CDH4: variants seen among roughly 807,000 people sequenced by gnomAD.
CDH4 encodes the protein cadherin 4.
CDH4 carries 33 observed loss-of-function variants against 86.0 expected under a neutral mutation model. The observed-to-expected ratio is 0.38, with a 90% CI of 0.29 to 0.51. CDH4 has a LOEUF of 0.51. CDH4 is among the 20% of genes least tolerant of loss of function. The probability of loss-of-function intolerance (pLI) is 0.86; values close to 1 mark genes in which losing one functional copy is unlikely to be tolerated. For missense variants in CDH4, 1,114 were observed against 1,307.4 expected (o/e 0.85, Z 2.28); for synonymous variants, 555 against 549.4 (o/e 1.01, Z -0.14).
rs2056964911 is a variant in CDH4, at chr20:61,518,631, T to C, written c.170-224932T>C. 6.6e-6 allele frequency among the ~76,000 whole-genome samples: 1 copy of C among 151,572 alleles called. No individual in the cohort carries two copies. The highest frequency in any genetic ancestry group is 1.5e-5 in the Non-Finnish European group (1 of 67,872). Reference sequence around the variant, plus strand: ...CTCATCCATCCATCCTTCATCCACCTAACCATTTATCCATCCATTCATCCT... The same window carrying C: ...CTCATCCATCCATCCTTCATCCACCCAACCATTTATCCATCCATTCATCCT... On this transcript the variant is annotated intron_variant, in intron 2 of 15. Transcript: ENST00000614565. The surrounding 1 kb of genome is among the most constrained non-coding windows in gnomAD (Gnocchi z 6.3).
chr20:61,932,157 CAA>C (rs976569788), intron 13 of CDH4, among the ~76,000 whole-genome samples: 1 of 152,218 alleles, frequency 6.6e-6, no homozygotes, highest in African/African-American at 2.4e-5. Flanking sequence ...CCTCCTCTGA[CAA>C]AGCCATCTCC....
chr20:61,602,367 G>A (rs2086608173), intron 2 of CDH4, among the ~76,000 whole-genome samples: 1 of 152,146 alleles, frequency 6.6e-6, no homozygotes, highest in Non-Finnish European at 1.5e-5. Flanking sequence ...CTCTGAAAAT[G>A]ACCAGGTCCT....
intron 2 of CDH4, among the ~76,000 whole-genome samples, chr20:61,292,994 G>A (rs908112790): frequency 2.6e-5 from 4 of 152,130 alleles, no homozygotes; most frequent in Non-Finnish European, 5.9e-5. Context: ...CGGGGTCTGC[G>A]GCGACCTGCC....
At chr20:61,774,791 C>G (rs1398320453) in intron 4 of CDH4, among the ~76,000 whole-genome samples, 1 of 152,138 alleles carries the variant, frequency 6.6e-6, no homozygotes, top group East Asian at 1.9e-4. Context: ...TTTTCTGTTC[C>G]CACTTTAGTT....
intron 6 of CDH4, among the ~76,000 whole-genome samples, chr20:61,857,059 G>T (rs765799265): frequency 6.6e-6 from 1 of 152,240 alleles, no homozygotes; most frequent in African/African-American, 2.4e-5. Context: ...TGAGGGGAGC[G>T]TGTCTTTCCC....
chr20:61,625,157 C>T (rs971466465), intron 2 of CDH4, among the ~76,000 whole-genome samples: 2 of 152,042 alleles, frequency 1.3e-5, no homozygotes, highest in South Asian at 2.1e-4. Context: ...CAGGGCGGGA[C>T]GAGAGGGAAG....
intron 2 of CDH4, among the ~76,000 whole-genome samples, chr20:61,491,224 GGA>G (rs2085624142): frequency 6.6e-6 from 1 of 152,222 alleles, no homozygotes; most frequent in Non-Finnish European, 1.5e-5. Flanking sequence ...CTGGTTTTCA[GGA>G]GAGTTTTCTC....
chr20:61,335,600 C>T (rs142273530), intron 2 of CDH4, among the ~76,000 whole-genome samples: 180 of 152,228 alleles, frequency 1.2e-3, no homozygotes, highest in African/African-American at 4.0e-3. Context: ...TTCAGATTTC[C>T]GTCAAGAAAA....
At chr20:61,513,232 T>A (rs2085793395) in intron 2 of CDH4, among the ~76,000 whole-genome samples, 1 of 152,174 alleles carries the variant, frequency 6.6e-6, no homozygotes, top group Non-Finnish European at 1.5e-5. Context: ...CCCAGGGACT[T>A]CCTGTTGCTA....
At chr20:61,823,345 G>A (rs993502588) in intron 4 of CDH4, among the ~76,000 whole-genome samples, 16 of 380 alleles carry the variant, frequency 0.042, no homozygotes, top group Admixed American at 0.15. Context: ...AGTGGTGATG[G>A]CGTTGGTGGT....
intron 2 of CDH4, among the ~76,000 whole-genome samples, chr20:61,613,092 G>A (rs773522488): frequency 5.9e-5 from 9 of 152,010 alleles, no homozygotes; most frequent in Non-Finnish European, 1.0e-4. Context: ...TGCCGAGAGC[G>A]GTGTTTGCCT....
intron 2 of CDH4, among the ~76,000 whole-genome samples, chr20:61,597,446 C>A (rs2086565064): frequency 6.6e-6 from 1 of 152,242 alleles, no homozygotes; most frequent in Non-Finnish European, 1.5e-5. Context: ...TCCTGGCCAG[C>A]CTGGCTGCAC....
chr20:61,636,882 G>A (rs938456718), intron 2 of CDH4, among the ~76,000 whole-genome samples: 10 of 152,162 alleles, frequency 6.6e-5, no homozygotes, highest in Non-Finnish European at 1.3e-4. Context: ...CTAGCTGGGG[G>A]CCCACCCTCC....
At position 61,709,855 on chromosome 20, in the gene CDH4, C is replaced by G. The variant is rs911651989; in HGVS notation, c.170-33708C>G. Among the ~76,000 whole-genome samples, 4 of 152,146 alleles carry G rather than the reference C, an allele frequency of 2.6e-5. No homozygotes were observed. The highest frequency in any genetic ancestry group is 1.5e-5 in the Non-Finnish European group (1 of 68,034). ...TTCTCATTTGTGTAGCACCTTACACCTCTGTAGATGTTTTTCAGAATGTTG... is the reference window on the plus strand; with the variant it reads ...TTCTCATTTGTGTAGCACCTTACACGTCTGTAGATGTTTTTCAGAATGTTG... On this transcript the variant is annotated intron_variant, in intron 2 of 15. Transcript: ENST00000614565. This position sits in a 1 kb window ranked among gnomAD's most constrained non-coding sequence, Gnocchi z 4.8.
chr20:61,424,110 A>G (rs1247262441), intron 2 of CDH4, among the ~76,000 whole-genome samples: 4 of 151,658 alleles, frequency 2.6e-5, no homozygotes, highest in South Asian at 2.1e-4. Flanking sequence ...ACACATATAC[A>G]CACATAGCAC....
intron 2 of CDH4, among the ~76,000 whole-genome samples, chr20:61,578,509 A>C (rs2086401699): frequency 6.6e-6 from 1 of 152,218 alleles, no homozygotes; most frequent in Non-Finnish European, 1.5e-5. Flanking sequence ...TTTACAGTTC[A>C]TCAAAGAAGA....
intron 2 of CDH4, among the ~76,000 whole-genome samples, chr20:61,458,728 G>A (rs547079324): frequency 6.6e-6 from 1 of 152,054 alleles, no homozygotes; most frequent in South Asian, 2.1e-4. Context: ...ACGGTGATGT[G>A]GTAGCAGTGG....
chr20:61,787,196 T>A (rs1488370027), intron 4 of CDH4, among the ~76,000 whole-genome samples: 1 of 152,182 alleles, frequency 6.6e-6, no homozygotes, highest in African/African-American at 2.4e-5. Flanking sequence ...CCTTTCCATG[T>A]CAAGCACCCT....
In CDH4 at chr20:61,829,495, C is replaced by G. The variant is rs910844741; in HGVS notation, c.577-15173C>G. Among the ~76,000 whole-genome samples, 1 of 152,170 alleles carries G rather than the reference C, an allele frequency of 6.6e-6. No homozygotes were observed. Among genetic ancestry groups the G allele is most frequent in the Admixed American group, 6.5e-5 (1 of 15,282 alleles). ...GGCTTTCTGTGGACAGATGTTGATT[C>G]TTAGGGTGTCTGCCCAGCAGTGGGA... On this transcript the variant is annotated intron_variant, in intron 4 of 15. Transcript: ENST00000614565. The surrounding 1 kb of genome is among the most constrained non-coding windows in gnomAD (Gnocchi z 4.2).
Sources: allele counts gnomAD v4.1 joint callset (sites outside exome capture counted in the v4.1 genomes callset), GRCh38; gene constraint gnomAD v4.1.1; non-coding constraint Gnocchi (gnomAD v3.1); transcripts MANE v1.5; gene names NCBI Gene and HGNC (gene_info 2026-07-23, HGNC 2026-07-21).